Variants in MTUS1 observed in about 807,000 individuals in gnomAD.
The protein encoded by MTUS1 is microtubule-associated tumor suppressor 1.
In MTUS1, 109 loss-of-function variants were observed where a neutral mutation model predicts 120.8. The observed-to-expected ratio is 0.90, with a 90% CI of 0.77 to 1.06. MTUS1 has a LOEUF of 1.06. Among genes scored for constraint, MTUS1 ranks in the 50% least tolerant of loss-of-function variants. The pLI, the probability that MTUS1 is intolerant of heterozygous loss-of-function variation, is 0.00. For missense variants in MTUS1, 2,210 were observed against 1,486.3 expected (o/e 1.49, Z -8.01); for synonymous variants, 737 against 550.5 (o/e 1.34, Z -4.74).
chr8:17,729,311 G>A (rs1347936898), intron 3 of MTUS1, among the ~76,000 whole-genome samples: 4 of 152,124 alleles, frequency 2.6e-5, no homozygotes, highest in Admixed American at 2.6e-4. Context: ...TTCCAATTAA[G>A]CTTAAGGGAC....
At chr8:17,718,997 C>T in intron 4 of MTUS1, among the ~76,000 whole-genome samples, 1 of 152,100 alleles carries the variant, frequency 6.6e-6, no homozygotes, top group Non-Finnish European at 1.5e-5. Flanking sequence ...TGGCAAAACC[C>T]TGTCTCTACT....
At chr8:17,696,479 A>G (rs1302244554) in intron 6 of MTUS1, among the ~76,000 whole-genome samples, 1 of 152,178 alleles carries the variant, frequency 6.6e-6, no homozygotes, top group African/African-American at 2.4e-5. Context: ...ACAAATATAA[A>G]AACACCCCAG....
intron 8 of MTUS1, among the ~76,000 whole-genome samples, chr8:17,656,716 C>T (rs1329151622): frequency 6.6e-6 from 1 of 151,924 alleles, no homozygotes; most frequent in Non-Finnish European, 1.5e-5. Flanking sequence ...GCGACTCCTC[C>T]CTCTCCCAGC....
In MTUS1 at chr8:17,644,665, T is replaced by C. The variant is rs1460477388; in HGVS notation, c.*1261A>G. ...TGAGCGCTATCCTCCCAGACTGTTT[T>C]CTTCTATCAAGTACTGCATCATCGG... is the stretch of plus-strand genomic sequence containing the variant. On this transcript the variant is annotated 3_prime_UTR_variant, in exon 15 of 15. Transcript: ENST00000693296. 1 of 152,236 alleles carries C rather than the reference T, an allele frequency of 6.6e-6. No homozygotes were observed. The highest frequency in any genetic ancestry group is 2.4e-5 in the African/African-American group (1 of 41,468). The allele number at this position is 152,236 out of a possible 1,614,324, so 9.4% of individuals were successfully genotyped here.
At chr8:17,734,782 T>G (rs1371425545) in intron 3 of MTUS1, among the ~76,000 whole-genome samples, 1 of 152,182 alleles carries the variant, frequency 6.6e-6, no homozygotes, top group African/African-American at 2.4e-5. Context: ...CCTATGCTAA[T>G]AATGCCTGAT....
At chr8:17,715,610 A>T (rs1822164584) in intron 5 of MTUS1, among the ~76,000 whole-genome samples, 157 bp downstream of exon 5, 1 of 152,176 alleles carries the variant, frequency 6.6e-6, no homozygotes, top group Non-Finnish European at 1.5e-5. Flanking sequence ...CAGAAAAACA[A>T]TTTCCTCAGT....
At chr8:17,800,338 T>C (rs767946893) in intron 1 of MTUS1, among the ~76,000 whole-genome samples, 3 of 152,190 alleles carry the variant, frequency 2.0e-5, no homozygotes, top group Non-Finnish European at 2.9e-5. Flanking sequence ...GCCTAAGACT[T>C]TGGTTTCATT....
intron 3 of MTUS1, among the ~76,000 whole-genome samples, chr8:17,734,830 A>T (rs1048795002): frequency 6.6e-6 from 1 of 152,232 alleles, no homozygotes; most frequent in Non-Finnish European, 1.5e-5. Context: ...CTCCTGGCTC[A>T]TTAGGAGTCA....
At position 17,648,018 on chromosome 8, in the gene MTUS1, G is replaced by A. The variant is rs565775533; in HGVS notation, c.3502-939C>T. Among the ~76,000 whole-genome samples the A allele has an allele frequency of 2.6e-5, 4 of 152,218 alleles. No individual in the cohort carries two copies. The South Asian group carries it at 6.2e-4, about 24-fold the overall frequency. ...ATCACTTTCCAGAAAAGGAGTCTAC[G>A]TTCAGTAATTATGAAGGATTCCCAG... On this transcript the variant is annotated intron_variant, in intron 13 of 14. Coordinates refer to ENST00000693296, the MANE Select transcript of MTUS1 (RefSeq NM_001363059.2).
In MTUS1 at chr8:17,653,276, T is replaced by C. The variant is rs913370426; in HGVS notation, c.3294A>G (p.Gln1098=). ...CATTTTCACTCTTCAGATCATTGAT[T>C]TGCTTCTAAAACACAATGAAATGTG... The part of the protein sequence containing the change: ...LSEKQESLEK[Q]INDLKSENDA... The change falls in exon 12 of 15, where the codon CAA becomes CAG. Residue 1098 remains glutamine (Q), a synonymous_variant. Transcript: ENST00000693296. 6.4e-7 allele frequency: 1 copy of C among 1,553,112 alleles called. No individual in the cohort carries two copies. The highest frequency in any genetic ancestry group is 8.7e-7 in the Non-Finnish European group (1 of 1,152,496).
intron 6 of MTUS1, among the ~76,000 whole-genome samples, chr8:17,698,457 AT>A (rs751083159): frequency 1.3e-5 from 2 of 152,242 alleles, no homozygotes; most frequent in African/African-American, 2.4e-5. Context: ...ACTTAAGCTA[AT>A]TCCATTAAAC....
At chr8:17,800,576 ATAGAG>A (rs1351635736) in intron 1 of MTUS1, 2 of 152,324 alleles carry the variant, frequency 1.3e-5, no homozygotes, top group Admixed American at 1.3e-4. Flanking sequence ...ACTAAGCACT[ATAGAG>A]TAGTCAATAA....
chr8:17,690,632 A>G (rs1173147974), intron 6 of MTUS1, among the ~76,000 whole-genome samples: 1 of 152,252 alleles, frequency 6.6e-6, no homozygotes, highest in Non-Finnish European at 1.5e-5. Flanking sequence ...TATTTACAAT[A>G]CAAACAATAA....
intron 6 of MTUS1, among the ~76,000 whole-genome samples, chr8:17,694,524 C>T (rs542424657): frequency 2.0e-5 from 3 of 151,976 alleles, no homozygotes; most frequent in South Asian, 2.1e-4. Flanking sequence ...AGAAATTAGC[C>T]GGGTATGGTG....
At chr8:17,647,292 A>G in intron 13 of MTUS1, 1 of 493,718 alleles carries the variant, frequency 2.0e-6, no homozygotes, top group Non-Finnish European at 3.6e-6. Flanking sequence ...GTATGCCAGG[A>G]CACTTAAATA....
chr8:17,779,599 T>C (rs1266817671), intron 1 of MTUS1, among the ~76,000 whole-genome samples: 1 of 152,140 alleles, frequency 6.6e-6, no homozygotes, highest in Non-Finnish European at 1.5e-5. Context: ...TCACCAAAAA[T>C]TGGAAAAAAT....
chr8:17,743,498 A>G, intron 3 of MTUS1, 106 bp downstream of exon 3: 1 of 1,092,942 alleles, frequency 9.1e-7, no homozygotes, highest in Non-Finnish European at 1.3e-6. Context: ...ATGCTGATCC[A>G]CAAAAGGCTA....
At chr8:17,724,328 C>T (rs541443137) in intron 3 of MTUS1, among the ~76,000 whole-genome samples, 14 of 152,164 alleles carry the variant, frequency 9.2e-5, no homozygotes, top group East Asian at 5.8e-4. Context: ...CATTTATACA[C>T]AGAAAACAGA....
chr8:17,707,671 G>C (rs1820442667), intron 6 of MTUS1, among the ~76,000 whole-genome samples: 1 of 152,090 alleles, frequency 6.6e-6, no homozygotes, highest in African/African-American at 2.4e-5. Context: ...GAAAATCAAG[G>C]GACCCAGAAT....
Sources: allele counts gnomAD v4.1 joint callset (sites outside exome capture counted in the v4.1 genomes callset), GRCh38; gene constraint gnomAD v4.1.1; transcripts MANE v1.5; gene names NCBI Gene and HGNC (gene_info 2026-07-23, HGNC 2026-07-21).